The following SEZ6L variants were observed in gnomAD, a reference collection of about 807,000 sequenced individuals.
The protein encoded by SEZ6L is seizure related 6 homolog like, also known as seizure 6-like protein.
In SEZ6L, 37 loss-of-function variants were observed where a neutral mutation model predicts 106.2. The ratio of observed to expected loss-of-function variants is 0.35; its 90% confidence interval spans 0.27 to 0.46. The LOEUF is 0.46. Among genes scored for constraint, SEZ6L ranks in the 20% least tolerant of loss-of-function variants. SEZ6L has a pLI of 1.00. For synonymous variants in SEZ6L, 541 were observed against 570.4 expected, an observed-to-expected ratio of 0.95 and a Z score of 0.73; for missense variants, 1,172 against 1,332.8, an observed-to-expected ratio of 0.88 and a Z score of 1.88.
At chr22:26,185,319 G>C (rs1939697932) in intron 1 of SEZ6L, among the ~76,000 whole-genome samples, 1 of 152,156 alleles carries the variant, frequency 6.6e-6, no homozygotes, top group African/African-American at 2.4e-5. Context: ...TGAATTACCA[G>C]AAAGACCACC....
At chr22:26,270,459 G>GA (rs1441615445) in intron 1 of SEZ6L, among the ~76,000 whole-genome samples, 44 of 97,046 alleles carry the variant, frequency 4.5e-4, no homozygotes, top group African/African-American at 1.5e-3. Flanking sequence ...TGACAATTGT[G>GA]AGGGGTGTGT....
rs781631005 is a variant in SEZ6L, at chr22:26,292,511, T to A, written c.200T>A (p.Val67Glu). The A allele has an allele frequency of 6.2e-7, 1 of 1,613,814 alleles. No homozygotes were observed. The highest frequency in any genetic ancestry group is 8.5e-7 in the Non-Finnish European group (1 of 1,179,870). Residue 67 changes from valine to glutamate, a missense_variant, in exon 2 of 17, where the codon GTA becomes GAA. This residue lies in a region of SEZ6L where 494 missense variants were observed against 445.8 expected (regional missense o/e 1.11). Transcript: ENST00000248933. ...AAAGAGCACCCTGAAGAGAGAGTGG[T>A]AACAGCGCCCCCCAGTTCCTCACAG... The part of the protein sequence containing the change: ...PGKEHPEERV[V>E]TAPPSSSQSA...
At chr22:26,373,885 C>T (rs1463537102) in intron 14 of SEZ6L, among the ~76,000 whole-genome samples, 3 of 152,156 alleles carry the variant, frequency 2.0e-5, no homozygotes, top group Admixed American at 2.0e-4. Context: ...GCCCTGGAAG[C>T]ATTCAATGGT....
chr22:26,270,857 C>T (rs2080342031), intron 1 of SEZ6L, among the ~76,000 whole-genome samples: 1 of 152,134 alleles, frequency 6.6e-6, no homozygotes, highest in African/African-American at 2.4e-5. Context: ...GCTTCCAACC[C>T]TCATAAGTGG....
intron 1 of SEZ6L, among the ~76,000 whole-genome samples, chr22:26,183,008 C>T (rs1455228372): frequency 6.6e-6 from 1 of 152,154 alleles, no homozygotes; most frequent in Non-Finnish European, 1.5e-5. Context: ...GACTCCTTCC[C>T]TGTTTCTAAA....
intron 1 of SEZ6L, among the ~76,000 whole-genome samples, chr22:26,258,356 GC>G: frequency 6.6e-6 from 1 of 152,342 alleles, no homozygotes; most frequent in East Asian, 1.9e-4. Flanking sequence ...TAAGAAGTGG[GC>G]AGGGAGTCAT....
rs766360176 is a variant in SEZ6L, at chr22:26,294,333, G to T, written c.877G>T (p.Asp293Tyr). 40 of 1,614,046 alleles carry T rather than the reference G, an allele frequency of 2.5e-5. No individual in the cohort carries two copies. The highest frequency in any genetic ancestry group is 3.1e-5 in the Non-Finnish European group (37 of 1,180,020). The change falls in exon 3 of 17, where the codon GAC (aspartate) becomes TAC (tyrosine). Residue 293 changes from aspartate to tyrosine, a missense_variant. This residue lies in a region of SEZ6L where 494 missense variants were observed against 445.8 expected (regional missense o/e 1.11). Coordinates refer to ENST00000248933, the MANE Select transcript of SEZ6L (RefSeq NM_021115.5). ...VSFSNPEGYI[D>Y]SSDYPLLPLN... ...CTTCTCCAATCCTGAGGGGTACATT[G>T]ACTCCAGCGACTACCCACTGCTGCC...
intron 1 of SEZ6L, among the ~76,000 whole-genome samples, chr22:26,242,411 C>A (rs1398952480): frequency 6.6e-6 from 1 of 152,194 alleles, no homozygotes; most frequent in Non-Finnish European, 1.5e-5. Flanking sequence ...TCTTGGCTTC[C>A]TTATTTGGAA....
chr22:26,363,614 T>C (rs1428519136), intron 12 of SEZ6L, among the ~76,000 whole-genome samples: 1 of 152,228 alleles, frequency 6.6e-6, no homozygotes, highest in African/African-American at 2.4e-5. Flanking sequence ...CTTGAAGGCA[T>C]GCTTGAGATT....
chr22:26,306,275 T>C, intron 6 of SEZ6L, 131 bp downstream of exon 6: 2 of 1,009,092 alleles, frequency 2.0e-6, no homozygotes, highest in Non-Finnish European at 1.4e-6. Context: ...CTGGGGTGGA[T>C]GGCAAAGATC....
At chr22:26,203,356 G>A (rs761828747) in intron 1 of SEZ6L, among the ~76,000 whole-genome samples, 16 of 152,154 alleles carry the variant, frequency 1.1e-4, no homozygotes, top group African/African-American at 2.9e-4. Flanking sequence ...GTTCCTTCAC[G>A]TATAGCACCA....
intron 1 of SEZ6L, among the ~76,000 whole-genome samples, chr22:26,253,246 C>T (rs1159353110): frequency 1.3e-5 from 2 of 152,202 alleles, no homozygotes; most frequent in African/African-American, 4.8e-5. Context: ...CCAGGATACC[C>T]TTTCTTATGC....
intron 1 of SEZ6L, among the ~76,000 whole-genome samples, chr22:26,285,149 C>T (rs931534777): frequency 6.6e-6 from 1 of 152,144 alleles, no homozygotes; most frequent in Non-Finnish European, 1.5e-5. Flanking sequence ...TCTCAAAGTG[C>T]AAATGGGATC....
At position 26,365,556 on chromosome 22, in the gene SEZ6L, C is replaced by T. The variant is rs773191087; in HGVS notation, c.2784C>T (p.Pro928=). The T allele has an allele frequency of 5.0e-6, 8 of 1,613,426 alleles. No homozygotes were observed. Among genetic ancestry groups the T allele is most frequent in the African/African-American group, 2.7e-5 (2 of 75,042 alleles). The change falls in exon 13 of 17, where the codon CCC becomes CCT. Residue 928 remains proline, a synonymous_variant. Coordinates refer to ENST00000248933, the MANE Select transcript of SEZ6L (RefSeq NM_021115.5). ...CATCCCACTGGAACGGGCCCCTGCCCGTGTGTAAAGGTAAAGAAACCTACT... is the reference window on the plus strand; with the variant it reads ...CATCCCACTGGAACGGGCCCCTGCCTGTGTGTAAAGGTAAAGAAACCTACT... ...GQPSHWNGPL[P]VCKVNQDSFE...
chr22:26,261,146 C>T (rs890085039), intron 1 of SEZ6L, among the ~76,000 whole-genome samples: 7 of 152,114 alleles, frequency 4.6e-5, no homozygotes, highest in African/African-American at 1.2e-4. Context: ...CTTTGTTGGA[C>T]GTATAGAGTG....
chr22:26,382,111 A>G lies in SEZ6L; in HGVS notation c.*1816A>G, dbSNP rs1035874522. On this transcript the variant is annotated 3_prime_UTR_variant, in exon 17 of 17. Coordinates refer to ENST00000248933, the MANE Select transcript of SEZ6L (RefSeq NM_021115.5). ...AAAGAATCTTGCACATATACTCCTG[A>G]AGGCATGAGTGTGTGGTCCATGGCA... 1.6e-5 allele frequency: 6 copies of G among 371,996 alleles called. No homozygotes were observed. The highest frequency in any genetic ancestry group is 1.3e-4 in the African/African-American group (6 of 47,538). The allele number at this position is 371,996 out of a possible 1,614,324, so 23.0% of individuals were successfully genotyped here.
At chr22:26,302,572 T>C (rs1261559399) in intron 5 of SEZ6L, among the ~76,000 whole-genome samples, 1 of 152,164 alleles carries the variant, frequency 6.6e-6, no homozygotes, top group Non-Finnish European at 1.5e-5. Context: ...AAAAAGGAAA[T>C]GAGAGCTAAT....
chr22:26,300,156 AT>A (rs35878349), intron 5 of SEZ6L, among the ~76,000 whole-genome samples: 66,018 of 151,168 alleles, frequency 0.44, 15,391 homozygotes, highest in African/African-American at 0.56. Flanking sequence ...TCCTTTGCCC[AT>A]TTTTTTTTAA....
Position 26,220,364 on chromosome 22 carries a change from G to T in SEZ6L, c.94+50601G>T, listed in dbSNP as rs530076851. Among the ~76,000 whole-genome samples, 462 of 152,242 alleles carry T rather than the reference G, an allele frequency of 3.0e-3. 2 individuals carry two copies. The highest frequency in any genetic ancestry group is 5.7e-3 in the Non-Finnish European group (390 of 68,020). ...GTAAGTCAGCATCAGTAATAACAGCGAATCTGCCATTGACCCTCTCCTCCT... is the reference window on the plus strand; with the variant it reads ...GTAAGTCAGCATCAGTAATAACAGCTAATCTGCCATTGACCCTCTCCTCCT... On this transcript the variant is annotated intron_variant, in intron 1 of 16. Coordinates refer to ENST00000248933, the MANE Select transcript of SEZ6L (RefSeq NM_021115.5).
Sources: allele counts gnomAD v4.1 joint callset (sites outside exome capture counted in the v4.1 genomes callset), GRCh38; gene constraint gnomAD v4.1.1; regional missense constraint gnomAD v4.1.1; transcripts MANE v1.5; gene names NCBI Gene and HGNC (gene_info 2026-07-23, HGNC 2026-07-21).